Variants in CNOT3 observed in about 807,000 individuals in gnomAD.
CNOT3 encodes the protein CCR4-associated factor 3.
Under a neutral mutation model 89.4 loss-of-function variants are expected in CNOT3, and 2 were observed. The observed-to-expected ratio is 0.02, with a 90% confidence interval of 0.01 to 0.07. CNOT3 has a LOEUF of 0.07. CNOT3 is among the 10% of genes least tolerant of loss of function. The pLI is 1.00. For missense variants in CNOT3, 664 were observed against 1,010.2 expected (o/e 0.66, Z 4.65); for synonymous variants, 486 against 402.0 (o/e 1.21, Z -2.50).
intron 10 of CNOT3, among the ~76,000 whole-genome samples, chr19:54,147,116 GGAAGC>G (rs1328491440): frequency 6.6e-6 from 1 of 152,236 alleles, no homozygotes; most frequent in African/African-American, 2.4e-5. Flanking sequence ...AATAAGCCTA[GGAAGC>G]GATGGGGCCT....
Position 54,155,599 on chromosome 19 carries a change from T to TCCTCC in CNOT3, c.*200_*204dup. The TCCTCC allele has an allele frequency of 1.8e-6, 2 of 1,120,774 alleles. No homozygotes were observed. Among genetic ancestry groups the TCCTCC allele is most frequent in the Admixed American group, 2.5e-5 (1 of 40,050 alleles). The allele number at this position is 1,120,774 out of a possible 1,614,324, so 69.4% of individuals were successfully genotyped here. ...GGGCCCGGGGGCGAGGGCTGCCCCC[T>TCCTCC]CCTCCCCTCCCCAGTGAGGGACATT... On this transcript the variant is annotated 3_prime_UTR_variant, in exon 18 of 18. Coordinates refer to ENST00000221232, the MANE Select transcript of CNOT3 (RefSeq NM_014516.4).
Position 54,144,246 on chromosome 19 carries a change from G to A in CNOT3, c.397G>A (p.Asp133Asn). 2 of 1,614,024 alleles carry A rather than the reference G, an allele frequency of 1.2e-6. No individual in the cohort carries two copies. Among genetic ancestry groups the A allele is most frequent in the Non-Finnish European group, 1.7e-6 (2 of 1,179,932 alleles). The change falls in exon 7 of 18, where the codon GAC becomes AAC. Residue 133 changes from aspartate (D) to asparagine (N), a missense_variant. Asp to Asn is a conservative substitution (Grantham distance 23). This residue lies in a region of CNOT3 where 37 missense variants were observed against 79.5 expected (regional missense o/e 0.47). Transcript: ENST00000221232. The surrounding 1 kb of genome is among the most constrained non-coding windows in gnomAD (Gnocchi z 4.8). Reference sequence around the variant, plus strand: ...CCTCTCCCTCCCCTAGAATACCATCGACACGCTCAACATGCAGGTGGACCA... The same window carrying A: ...CCTCTCCCTCCCCTAGAATACCATCAACACGCTCAACATGCAGGTGGACCA... Reference protein sequence around the residue: ...EVGQWLTNTIDTLNMQVDQFE... With the variant: ...EVGQWLTNTINTLNMQVDQFE...
In CNOT3 at chr19:54,155,096, C is replaced by G. The variant is rs1004243777; in HGVS notation, c.2164-213C>G. 1.7e-5 allele frequency: 10 copies of G among 590,892 alleles called. No homozygotes were observed. The African/African-American group carries it at 1.9e-4, about 11-fold the overall frequency. The allele number at this position is 590,892 out of a possible 1,614,324, so 36.6% of individuals were successfully genotyped here. ...GCTGGCTTCGGTGGAACCTCTGCGG[C>G]CCCCTCCGTTTCCTCCTCGCTGAAG... On this transcript the variant is annotated intron_variant, in intron 17 of 17. Transcript: ENST00000221232.
chr19:54,146,858 C>T (rs999489539), intron 10 of CNOT3, among the ~76,000 whole-genome samples: 12 of 152,206 alleles, frequency 7.9e-5, no homozygotes, highest in Admixed American at 7.9e-4. Context: ...ACACAGGTCA[C>T]CCTTGGCCTG....
rs587671045 is a variant in CNOT3 at position 54,144,786 on chromosome 19, G to C, written c.483+454G>C. On this transcript the variant is annotated intron_variant, in intron 7 of 17. Coordinates refer to ENST00000221232, the MANE Select transcript of CNOT3 (RefSeq NM_014516.4). The surrounding 1 kb of genome is among the most constrained non-coding windows in gnomAD (Gnocchi z 4.8). ...AAGGAAGACAGGAGTCTGGGACAAAGCTGGATGTTGGGGTCCCAGGTTCTA... is the reference window on the plus strand; with the variant it reads ...AAGGAAGACAGGAGTCTGGGACAAACCTGGATGTTGGGGTCCCAGGTTCTA... Among the ~76,000 whole-genome samples, 5 of 152,300 alleles carry C rather than the reference G, an allele frequency of 3.3e-5. No individual in the cohort carries two copies. Among genetic ancestry groups the C allele is most frequent in the African/African-American group, 1.2e-4 (5 of 41,560 alleles).
chr19:54,141,558 C>T (rs1372050502), intron 1 of CNOT3: 1 of 152,222 alleles, frequency 6.6e-6, no homozygotes, highest in Non-Finnish European at 1.5e-5. Context: ...TTCAGATGTT[C>T]AGTGGCCAAC....
chr19:54,150,357 C>T (rs1194537622), intron 13 of CNOT3, among the ~76,000 whole-genome samples: 2 of 152,196 alleles, frequency 1.3e-5, no homozygotes, highest in South Asian at 2.1e-4. Context: ...GAGGAGCATG[C>T]ATCTGCCTGT....
At chr19:54,138,479 C>T (rs1256683795) in intron 1 of CNOT3, among the ~76,000 whole-genome samples, 3 of 151,644 alleles carry the variant, frequency 2.0e-5, no homozygotes, top group Non-Finnish European at 2.9e-5. Context: ...GCCTCCGCGC[C>T]GGGGCTTCTC....
At chr19:54,138,543 G>A (rs1385124643) in intron 1 of CNOT3, among the ~76,000 whole-genome samples, 1 of 152,044 alleles carries the variant, frequency 6.6e-6, no homozygotes, top group African/African-American at 2.4e-5. Flanking sequence ...CCCCAGCTGG[G>A]TGGGGGAGTC....
intron 13 of CNOT3, among the ~76,000 whole-genome samples, 161 bp from the exon 14 acceptor site, chr19:54,152,065 C>T (rs1232763602): frequency 6.6e-6 from 1 of 152,200 alleles, no homozygotes; most frequent in Admixed American, 6.5e-5. Context: ...TGTTTCCCTA[C>T]AGTTTGATGC....
chr19:54,142,296 T>C (rs941800631), intron 1 of CNOT3: 1 of 153,552 alleles, frequency 6.5e-6, no homozygotes, highest in African/African-American at 2.4e-5. Context: ...CTGGAATAAA[T>C]GTCTTGGTGG....
At chr19:54,138,094 C>T (rs1339563155) in intron 1 of CNOT3, 101 bp downstream of exon 1, 3 of 152,198 alleles carry the variant, frequency 2.0e-5, no homozygotes, top group Non-Finnish European at 2.9e-5. Flanking sequence ...ACACCGCCGT[C>T]TGTCGCGACA....
rs1600456742 is a variant in CNOT3, at chr19:54,148,545, G to A, written c.1282+10G>A. On this transcript the variant is annotated intron_variant, in intron 11 of 17. Coordinates refer to ENST00000221232, the MANE Select transcript of CNOT3 (RefSeq NM_014516.4). The surrounding 1 kb of genome is among the most constrained non-coding windows in gnomAD (Gnocchi z 6.3). ...CAGAATGGCGCCACCAGTGAGTGAG[G>A]AGGCAGCGGGGTGGGGGGCGTGGGC... 1.9e-6 allele frequency: 3 copies of A among 1,566,254 alleles called. No individual in the cohort carries two copies. The East Asian group carries it at 6.9e-5, about 36-fold the overall frequency.
At chr19:54,147,904 C>T (rs1013224691) in intron 10 of CNOT3, among the ~76,000 whole-genome samples, 10 of 152,096 alleles carry the variant, frequency 6.6e-5, no homozygotes, top group Non-Finnish European at 1.5e-4. Context: ...GTCCATGGGG[C>T]GGTGTCCAGG....
At position 54,149,879 on chromosome 19, in the gene CNOT3, C is replaced by G. The variant is rs1401466721; in HGVS notation, c.1605+121C>G. 3 of 1,040,814 alleles carry G rather than the reference C, an allele frequency of 2.9e-6. No homozygotes were observed. In the East Asian group the frequency reaches 8.1e-5, roughly 28 times the overall value. 64.5% of individuals were successfully genotyped at this position (1,040,814 alleles called of 1,614,324 possible). ...CTGGATCTCTCTCTGGCTTTCTGTCCCCTTCTCACACTTGCTCTTTCTCCA... is the reference window on the plus strand; with the variant it reads ...CTGGATCTCTCTCTGGCTTTCTGTCGCCTTCTCACACTTGCTCTTTCTCCA... On this transcript the variant is annotated intron_variant, in intron 13 of 17. Transcript: ENST00000221232.
chr19:54,148,339 C>T lies in CNOT3; in HGVS notation c.1086C>T (p.Ser362=). The T allele has an allele frequency of 6.3e-7, 1 of 1,592,670 alleles. No individual in the cohort carries two copies. Residue 362 remains serine (S), a synonymous_variant, in exon 11 of 18, where the codon AGC becomes AGT. Coordinates refer to ENST00000221232, the MANE Select transcript of CNOT3 (RefSeq NM_014516.4). This position sits in a 1 kb window ranked among gnomAD's most constrained non-coding sequence, Gnocchi z 6.3. ...GCCCCAAGGCCAGTCCAGCTCCCAG[C>T]CACAACTCGGGCACCCCTGCTCCCT... ...ALGPKASPAP[S]HNSGTPAPYA...
In CNOT3 at chr19:54,145,766, G is replaced by A. The variant is rs1316264758; in HGVS notation, c.652G>A (p.Asp218Asn). Residue 218 changes from aspartate (D) to asparagine (N), a missense_variant, in exon 8 of 18, where the codon GAC becomes AAC. By Grantham distance (23) the Asp-to-Asn change is conservative. Around this residue, in one of 8 missense-constraint regions of CNOT3, gnomAD observed 25 missense variants for 69.0 expected, o/e 0.36. Coordinates refer to ENST00000221232, the MANE Select transcript of CNOT3 (RefSeq NM_014516.4). The surrounding 1 kb of genome is among the most constrained non-coding windows in gnomAD (Gnocchi z 5.9). ...EYYVDSSQDP[D>N]FEENEFLYDD... ...CTATGTTGACTCATCCCAGGACCCC[G>A]ACTTCGAGGAGAACGAGTTTCTCTA... 7 of 1,613,774 alleles carry A rather than the reference G, an allele frequency of 4.3e-6. No individual in the cohort carries two copies. The highest frequency in any genetic ancestry group is 2.7e-5 in the African/African-American group (2 of 74,920).
chr19:54,138,721 C>T (rs2074326111), intron 1 of CNOT3, among the ~76,000 whole-genome samples: 1 of 152,222 alleles, frequency 6.6e-6, no homozygotes, highest in Non-Finnish European at 1.5e-5. Context: ...CCGAAGTTTC[C>T]ACCTCTGTAG....
intron 13 of CNOT3, 108 bp from the exon 14 acceptor site, chr19:54,152,118 C>A: frequency 8.5e-7 from 1 of 1,177,158 alleles, no homozygotes; most frequent in Non-Finnish European, 1.2e-6. Flanking sequence ...GGTCGTTGGC[C>A]CTCCACGGCC....
Sources: allele counts gnomAD v4.1 joint callset (sites outside exome capture counted in the v4.1 genomes callset), GRCh38; gene constraint gnomAD v4.1.1; regional missense constraint gnomAD v4.1.1; non-coding constraint Gnocchi (gnomAD v3.1); transcripts MANE v1.5; gene names NCBI Gene and HGNC (gene_info 2026-07-23, HGNC 2026-07-21).